BICRA: variants seen among roughly 807,000 people sequenced by gnomAD.
BICRA encodes the protein BRD4 interacting chromatin remodeling complex associated protein.
Under a neutral mutation model 96.9 loss-of-function variants are expected in BICRA, and 31 were observed. The observed-to-expected ratio is 0.32, with a 90% confidence interval of 0.24 to 0.43. The LOEUF is 0.43. BICRA is among the 20% of genes least tolerant of loss of function. The probability of loss-of-function intolerance (pLI) is 1.00; values close to 1 mark genes in which losing one functional copy is unlikely to be tolerated. For synonymous variants in BICRA, 1,350 were observed against 1,071.8 expected, an observed-to-expected ratio of 1.26 and a Z score of -5.07; for missense variants, 2,283 against 2,190.3, an observed-to-expected ratio of 1.04 and a Z score of -0.84.
chr19:47,639,058 C>T (rs192032116), intron 1 of BICRA, among the ~76,000 whole-genome samples: 1 of 152,206 alleles, frequency 6.6e-6, no homozygotes, highest in East Asian at 1.9e-4. Context: ...GACTGGAGTG[C>T]AGTGGTGTGA....
intron 7 of BICRA, among the ~76,000 whole-genome samples, chr19:47,683,803 C>G (rs1468189067): frequency 3.9e-5 from 6 of 152,170 alleles, no homozygotes; most frequent in Non-Finnish European, 5.9e-5. Flanking sequence ...CCAGGATGGT[C>G]TCGATCTCCT....
intron 1 of BICRA, among the ~76,000 whole-genome samples, chr19:47,653,015 CTTTTTTTTT>C (rs869230602): frequency 3.5e-5 from 4 of 113,728 alleles, no homozygotes; most frequent in African/African-American, 1.5e-4. Context: ...CGTCCTCATT[CTTTTTTTTT>C]TTTTTTTTTT....
intron 1 of BICRA, among the ~76,000 whole-genome samples, chr19:47,623,760 A>G (rs1050792512): frequency 6.6e-6 from 1 of 151,732 alleles, no homozygotes; most frequent in African/African-American, 2.4e-5. Context: ...GCTTGGGGGT[A>G]GGGTAAGAAA....
At chr19:47,638,198 G>A (rs1357229209) in intron 1 of BICRA, among the ~76,000 whole-genome samples, 1 of 152,032 alleles carries the variant, frequency 6.6e-6, no homozygotes, top group Admixed American at 6.5e-5. Context: ...AATTTCCAGG[G>A]AGCCCGGGGT....
chr19:47,703,134 T>A lies in BICRA; in HGVS notation c.*719T>A, dbSNP rs1217386060. The A allele has an allele frequency of 6.5e-6, 1 of 152,840 alleles. No individual in the cohort carries two copies. The highest frequency in any genetic ancestry group is 1.5e-5 in the Non-Finnish European group (1 of 68,164). The allele number at this position is 152,840 out of a possible 1,614,324, so 9.5% of individuals were successfully genotyped here. On this transcript the variant is annotated 3_prime_UTR_variant, in exon 15 of 15. Transcript: ENST00000594866. ...CCTGCCTCCAGCCGCCCGCGCCAGA[T>A]TTTGAAATCTCGGAGACAAAACTAG...
chr19:47,676,453 G>A (rs977286522), intron 5 of BICRA, among the ~76,000 whole-genome samples: 1 of 152,016 alleles, frequency 6.6e-6, no homozygotes, highest in Non-Finnish European at 1.5e-5. Flanking sequence ...TGACTATGCC[G>A]GTCCCATGAC....
chr19:47,683,276 G>A (rs1356945675), intron 7 of BICRA, among the ~76,000 whole-genome samples: 5 of 149,928 alleles, frequency 3.3e-5, no homozygotes, highest in Non-Finnish European at 5.9e-5. Flanking sequence ...TTTTTCCCCC[G>A]CCCCCCGCAA....
chr19:47,695,608 C>A, intron 10 of BICRA, 134 bp downstream of exon 10: 1 of 615,186 alleles, frequency 1.6e-6, no homozygotes, highest in Non-Finnish European at 2.9e-6. Context: ...AGCTGAGACA[C>A]CACGAACAGC....
intron 6 of BICRA, among the ~76,000 whole-genome samples, chr19:47,681,648 G>A (rs542147928): frequency 1.3e-5 from 2 of 151,960 alleles, no homozygotes; most frequent in Admixed American, 1.3e-4. Context: ...ACTACCCGAC[G>A]GACAGAGAAG....
chr19:47,671,025 G>T (rs1972854634), intron 2 of BICRA, among the ~76,000 whole-genome samples: 1 of 152,226 alleles, frequency 6.6e-6, no homozygotes, highest in Non-Finnish European at 1.5e-5. Context: ...TGGGGCTCTG[G>T]AGATGCATGT....
At chr19:47,640,134 G>A (rs994829339) in intron 1 of BICRA, among the ~76,000 whole-genome samples, 1 of 152,196 alleles carries the variant, frequency 6.6e-6, no homozygotes, top group South Asian at 2.1e-4. Context: ...CCAAAAATGA[G>A]AGTAACATTT....
chr19:47,610,058 C>G (rs371739284), intron 1 of BICRA, among the ~76,000 whole-genome samples: 2 of 152,180 alleles, frequency 1.3e-5, no homozygotes, highest in African/African-American at 4.8e-5. Context: ...GCACCAGGCC[C>G]GGCCGGGGCA....
intron 1 of BICRA, among the ~76,000 whole-genome samples, chr19:47,634,756 A>C (rs1216345024): frequency 8.3e-6 from 1 of 120,296 alleles, no homozygotes; most frequent in African/African-American, 3.4e-5. Context: ...TTAAAATTAA[A>C]TTTTTTTTTT....
Position 47,680,581 on chromosome 19 carries a change from C to A in BICRA, c.1411C>A (p.Gln471Lys). The A allele has an allele frequency of 1.2e-6, 2 of 1,607,244 alleles. No homozygotes were observed. The highest frequency in any genetic ancestry group is 1.7e-6 in the Non-Finnish European group (2 of 1,177,782). The change falls in exon 6 of 15, where the codon CAG becomes AAG. Residue 471 changes from glutamine to lysine, a missense_variant. Transcript: ENST00000594866. ...PAQHMLPGQN[Q>K]FLLPGAPAVQ... Reference sequence around the variant, plus strand: ...CCAGCACATGCTGCCGGGCCAGAACCAGTTCCTACTGCCTGGCGCCCCGGC... The same window carrying A: ...CCAGCACATGCTGCCGGGCCAGAACAAGTTCCTACTGCCTGGCGCCCCGGC...
At position 47,695,005 on chromosome 19, in the gene BICRA, G is replaced by C. The variant is rs901903272; in HGVS notation, c.3001G>C (p.Val1001Leu). Residue 1001 changes from valine to leucine, a missense_variant, in exon 9 of 15, where the codon GTC becomes CTC. Val to Leu is a conservative substitution (Grantham distance 32, BLOSUM62 1). Transcript: ENST00000594866. Reference sequence around the variant, plus strand: ...CACCAGCCCCGCTGCGTCTGTGCTGGTCAGTGGGCAGGCCCCATCTGGGAC... The same window carrying C: ...CACCAGCCCCGCTGCGTCTGTGCTGCTCAGTGGGCAGGCCCCATCTGGGAC... ...PLTSPAASVL[V>L]SGQAPSGTPT... The C allele has an allele frequency of 6.5e-7, 1 of 1,537,782 alleles. No individual in the cohort carries two copies. Among genetic ancestry groups the C allele is most frequent in the Non-Finnish European group, 8.7e-7 (1 of 1,152,996 alleles).
rs1214573432 is a variant in BICRA, at chr19:47,698,194, G to A, written c.3249-440G>A. On this transcript the variant is annotated intron_variant, in intron 11 of 14. Transcript: ENST00000594866. This position sits in a 1 kb window ranked among gnomAD's most constrained non-coding sequence, Gnocchi z 4.8. ...CAACAGACAAAACCCATTGTAACAT[G>A]GGCTACAAAAGCGGCCCGTGAGAAG... Among the ~76,000 whole-genome samples the A allele has an allele frequency of 2.6e-5, 4 of 152,134 alleles. No homozygotes were observed. The highest frequency in any genetic ancestry group is 9.7e-5 in the African/African-American group (4 of 41,418).
At chr19:47,684,108 C>G (rs951293646) in intron 7 of BICRA, among the ~76,000 whole-genome samples, 22 of 152,318 alleles carry the variant, frequency 1.4e-4, no homozygotes, top group African/African-American at 5.1e-4. Context: ...GCTGAGGGAG[C>G]ACTTAGGTGG....
chr19:47,656,602 G>T (rs1438180833), intron 1 of BICRA, among the ~76,000 whole-genome samples: 1 of 151,986 alleles, frequency 6.6e-6, no homozygotes, highest in Non-Finnish European at 1.5e-5. Flanking sequence ...TTGCACAGGG[G>T]TTTTTTTTCT....
Position 47,701,794 on chromosome 19 carries a change from G to A in BICRA, c.4062G>A (p.Pro1354=), listed in dbSNP as rs764766600. The A allele has an allele frequency of 6.5e-6, 10 of 1,537,018 alleles. No individual in the cohort carries two copies. In the African/African-American group the frequency reaches 9.7e-5, roughly 15 times the overall value. The change falls in exon 15 of 15, where the codon CCG becomes CCA. Residue 1354 remains proline, a synonymous_variant. Coordinates refer to ENST00000594866, the MANE Select transcript of BICRA (RefSeq NM_001394372.1). The surrounding 1 kb of genome is among the most constrained non-coding windows in gnomAD (Gnocchi z 5.4). ...EPPPRPPPPP[P]PTGQMNGTVD... is the part of the protein sequence containing the mutation. Reference sequence around the variant, plus strand: ...CGCCACGGCCGCCACCACCACCGCCGCCCACGGGCCAGATGAACGGCACGG... The same window carrying A: ...CGCCACGGCCGCCACCACCACCGCCACCCACGGGCCAGATGAACGGCACGG...
Sources: allele counts gnomAD v4.1 joint callset (sites outside exome capture counted in the v4.1 genomes callset), GRCh38; gene constraint gnomAD v4.1.1; non-coding constraint Gnocchi (gnomAD v3.1); transcripts MANE v1.5; gene names NCBI Gene and HGNC (gene_info 2026-07-23, HGNC 2026-07-21).